Variants in DNMBP observed in about 807,000 individuals in gnomAD.
DNMBP encodes the protein dynamin-binding protein.
DNMBP carries 87 observed loss-of-function variants against 150.0 expected under a neutral mutation model. The ratio of observed to expected loss-of-function variants is 0.58; its 90% CI spans 0.49 to 0.69. The LOEUF (loss-of-function observed/expected upper bound fraction) is 0.69. DNMBP is among the 30% of genes least tolerant of loss of function. The probability of loss-of-function intolerance (pLI) is 0.00; values close to 1 mark genes in which losing one functional copy is unlikely to be tolerated. For synonymous variants in DNMBP, 711 were observed against 750.4 expected, an observed-to-expected ratio of 0.95 and a Z score of 0.86; for missense variants, 1,774 against 1,949.0, an observed-to-expected ratio of 0.91 and a Z score of 1.69.
chr10:99,915,208 T>C (rs183993112), intron 4 of DNMBP, among the ~76,000 whole-genome samples: 9,515 of 120,880 alleles, frequency 0.079, 499 homozygotes, highest in African/African-American at 0.17. Flanking sequence ...CATATACATA[T>C]ATACATACAC....
chr10:99,898,599 G>A, intron 8 of DNMBP, 144 bp downstream of exon 8: 2 of 854,344 alleles, frequency 2.3e-6, no homozygotes, highest in Non-Finnish European at 3.8e-6. Flanking sequence ...TTCCCTTGGG[G>A]ATAAGTGCTA....
intron 1 of DNMBP, among the ~76,000 whole-genome samples, chr10:100,003,060 T>C (rs192960113): frequency 6.6e-6 from 1 of 152,160 alleles, no homozygotes; most frequent in Non-Finnish European, 1.5e-5. Flanking sequence ...AGTATAAGAA[T>C]GGGAAAGGGC....
intron 4 of DNMBP, among the ~76,000 whole-genome samples, chr10:99,938,727 A>C (rs2040261331): frequency 1.3e-5 from 2 of 152,146 alleles, no homozygotes; most frequent in South Asian, 4.1e-4. Context: ...ATCTAAACAA[A>C]AGCTGTGAAT....
chr10:99,885,184 C>T (rs1228570163), intron 14 of DNMBP, among the ~76,000 whole-genome samples: 1 of 152,044 alleles, frequency 6.6e-6, no homozygotes, highest in Non-Finnish European at 1.5e-5. Context: ...AATTAATGAA[C>T]CAATGAATTA....
At position 99,891,870 on chromosome 10, in the gene DNMBP, G is replaced by A. The variant is rs1434521050; in HGVS notation, c.3157-2917C>T. Among the ~76,000 whole-genome samples the A allele has an allele frequency of 1.3e-4, 20 of 149,086 alleles. 2 individuals are homozygous for A. Among genetic ancestry groups the A allele is most frequent in the East Asian group, 6.0e-4 (3 of 4,998 alleles). On this transcript the variant is annotated intron_variant, in intron 11 of 16. Transcript: ENST00000324109. ...AGCGCCTCTGCCCGGCCACGACCCC[G>A]TCTGGGAGGTGAGGAGCGTCTCTGC...
chr10:99,892,665 T>A (rs1564720196), intron 11 of DNMBP, among the ~76,000 whole-genome samples: 10 of 145,578 alleles, frequency 6.9e-5, no homozygotes, highest in Non-Finnish European at 1.2e-4. Context: ...GAGACCTTTG[T>A]TCACTTGTTT....
At chr10:99,935,622 T>C (rs1243587991) in intron 4 of DNMBP, among the ~76,000 whole-genome samples, 1 of 152,158 alleles carries the variant, frequency 6.6e-6, no homozygotes, top group East Asian at 1.9e-4. Context: ...TGGAGTGCAA[T>C]GGTGCAACCT....
chr10:99,938,015 C>T (rs886093110), intron 4 of DNMBP, among the ~76,000 whole-genome samples: 11 of 152,162 alleles, frequency 7.2e-5, no homozygotes, highest in Non-Finnish European at 1.3e-4. Context: ...TGTCACTTTC[C>T]TATGTAGGAA....
At position 99,957,184 on chromosome 10, in the gene DNMBP, C is replaced by T. The variant is rs1184894337; in HGVS notation, c.290G>A (p.Gly97Asp). 3 of 1,604,076 alleles carry T rather than the reference C, an allele frequency of 1.9e-6. No individual in the cohort carries two copies. In the African/African-American group the frequency reaches 4.0e-5, roughly 21 times the overall value. Residue 97 changes from glycine to aspartate, a missense_variant, in exon 4 of 17, where the codon GGC becomes GAC. Physicochemically the swap from Gly to Asp is moderately conservative, Grantham distance 94. Coordinates refer to ENST00000324109, the MANE Select transcript of DNMBP (RefSeq NM_015221.4). ...LHRGDLVILD[G>D]IPTAGWLQGR... ...CTGCAGCCAGCCTGCAGTGGGAATG[C>T]CATCGAGAATCACCAGGTCACCTAA...
intron 1 of DNMBP, among the ~76,000 whole-genome samples, chr10:100,007,197 C>T (rs1246518641): frequency 6.6e-6 from 1 of 151,866 alleles, no homozygotes; most frequent in Non-Finnish European, 1.5e-5. Flanking sequence ...CATATACATA[C>T]ACACACACAC....
chr10:99,901,005 G>A (rs922856292), intron 6 of DNMBP, among the ~76,000 whole-genome samples: 4 of 152,068 alleles, frequency 2.6e-5, no homozygotes, highest in Non-Finnish European at 5.9e-5. Context: ...GTACGATCTT[G>A]GCTCACTGCA....
intron 11 of DNMBP, among the ~76,000 whole-genome samples, chr10:99,894,466 C>T (rs2039621880): frequency 6.6e-6 from 1 of 152,152 alleles, no homozygotes; most frequent in African/African-American, 2.4e-5. Context: ...GTTTATGGCT[C>T]TAATACCTTT....
chr10:99,985,212 T>G (rs2040817173), intron 1 of DNMBP, among the ~76,000 whole-genome samples: 1 of 152,194 alleles, frequency 6.6e-6, no homozygotes, highest in African/African-American at 2.4e-5. Flanking sequence ...TAGATCATTT[T>G]AAGGAGTACC....
rs770175359 is a variant in DNMBP, at chr10:99,888,968, GACAGACACAAGTCAGA to G, written c.3157-31_3157-16del. Reference sequence around the variant, plus strand: ...CATGCGGACTCCTGGAGCCAGTTAGGACAGACACAAGTCAGAACAGACAGAACTTTCCAGCTTTTGT... The same window carrying G: ...CATGCGGACTCCTGGAGCCAGTTAGGACAGACAGAACTTTCCAGCTTTTGT... On this transcript the variant is annotated splice_polypyrimidine_tract_variant and intron_variant, in intron 11 of 16. Transcript: ENST00000324109. The G allele has an allele frequency of 6.2e-7, 1 of 1,613,884 alleles. No individual in the cohort carries two copies. Among genetic ancestry groups the G allele is most frequent in the South Asian group, 1.1e-5 (1 of 91,030 alleles).
intron 1 of DNMBP, among the ~76,000 whole-genome samples, chr10:99,991,239 C>T (rs779934587): frequency 3.3e-5 from 5 of 151,926 alleles, no homozygotes; most frequent in Non-Finnish European, 5.9e-5. Flanking sequence ...CCACCATGCC[C>T]GGCTGATGTT....
Position 99,877,092 on chromosome 10 carries a change from C to CGTGACATTAA in DNMBP, c.*58_*59insTTAATGTCAC. ...AGCAGGCGCCCTCTCGGTGGGCCGC[C>CGTGACATTAA]AGAACCCTCGGCGGACTGAAAGCAA... On this transcript the variant is annotated 3_prime_UTR_variant, in exon 17 of 17. Transcript: ENST00000324109. 1 of 1,383,404 alleles carries CGTGACATTAA rather than the reference C, an allele frequency of 7.2e-7. No homozygotes were observed. Among genetic ancestry groups the CGTGACATTAA allele is most frequent in the Non-Finnish European group, 9.5e-7 (1 of 1,056,934 alleles). The allele number at this position is 1,383,404 out of a possible 1,614,324, so 85.7% of individuals were successfully genotyped here. A position where few individuals can be genotyped will look rare whatever the true frequency, so the allele number is the denominator to read the frequency against.
At position 99,937,677 on chromosome 10, in the gene DNMBP, C is replaced by T. The variant is rs73333953; in HGVS notation, c.2260+17537G>A. Among the ~76,000 whole-genome samples, 881 of 152,292 alleles carry T rather than the reference C, an allele frequency of 5.8e-3. 5 individuals carry two copies. The highest frequency in any genetic ancestry group is 0.02 in the African/African-American group (816 of 41,566). On this transcript the variant is annotated intron_variant, in intron 4 of 16. Transcript: ENST00000324109. ...AACACCACCATTCTCTCTTTGTTTCCAGTCCTGGCCGACCAACCCTGCCCT... is the reference window on the plus strand; with the variant it reads ...AACACCACCATTCTCTCTTTGTTTCTAGTCCTGGCCGACCAACCCTGCCCT...
At chr10:99,951,897 C>A (rs186915652) in intron 4 of DNMBP, among the ~76,000 whole-genome samples, 11 of 152,024 alleles carry the variant, frequency 7.2e-5, no homozygotes, top group Admixed American at 7.2e-4. Context: ...TGAAATGTGA[C>A]GACATGAGAT....
At chr10:99,903,607 C>T (rs2039778987) in intron 6 of DNMBP, among the ~76,000 whole-genome samples, 1 of 152,108 alleles carries the variant, frequency 6.6e-6, no homozygotes, top group African/African-American at 2.4e-5. Flanking sequence ...GCTAGGATTA[C>T]AGGCGTGGGC....
Sources: gnomAD v4.1 joint callset for allele counts (sites outside exome capture counted in the v4.1 genomes callset) on GRCh38, gnomAD v4.1.1 for gene constraint, MANE v1.5 for transcripts, NCBI Gene and HGNC (gene_info 2026-07-23, HGNC 2026-07-21) for gene names.